BCAS3: variants seen among roughly 807,000 people sequenced by gnomAD.
BCAS3 encodes BCAS4/BCAS3 fusion.
A neutral mutation model predicts 116.1 loss-of-function variants in BCAS3; 53 were observed. The observed-to-expected ratio is 0.46, with a 90% CI of 0.37 to 0.57. BCAS3 has a LOEUF of 0.57. BCAS3 is among the 20% of genes least tolerant of loss of function. The probability of loss-of-function intolerance (pLI) is 0.00; values close to 1 mark genes in which losing one functional copy is unlikely to be tolerated. For missense variants in BCAS3, 917 were observed against 1,165.4 expected, an observed-to-expected ratio of 0.79 and a Z score of 3.10; for synonymous variants, 391 against 408.2, an observed-to-expected ratio of 0.96 and a Z score of 0.51.
At chr17:61,301,626 G>A (rs570893351) in intron 22 of BCAS3, among the ~76,000 whole-genome samples, 1 of 152,242 alleles carries the variant, frequency 6.6e-6, no homozygotes, top group South Asian at 2.1e-4. Context: ...GAGAGACTCT[G>A]TCTCAAAAAA....
chr17:60,833,917 C>T (rs963806896), intron 7 of BCAS3, among the ~76,000 whole-genome samples: 20 of 152,010 alleles, frequency 1.3e-4, no homozygotes, highest in Non-Finnish European at 1.3e-4. Context: ...TCTGTCAAAA[C>T]GTGAAACTAC....
chr17:61,030,826 T>G (rs888107206), intron 16 of BCAS3, among the ~76,000 whole-genome samples: 4 of 151,976 alleles, frequency 2.6e-5, no homozygotes, highest in African/African-American at 9.7e-5. Context: ...GCTCAAAAGT[T>G]AAGTCAAATT....
intron 22 of BCAS3, chr17:61,157,506 C>T (rs1445589976): frequency 6.6e-6 from 1 of 151,956 alleles, no homozygotes; most frequent in East Asian, 1.9e-4. Flanking sequence ...CGCTCTCCCT[C>T]TCCGGCTCTT....
intron 18 of BCAS3, 29 bp downstream of exon 18, chr17:61,038,083 A>C (rs2067185124): frequency 6.3e-7 from 1 of 1,591,410 alleles, no homozygotes; most frequent in Non-Finnish European, 8.6e-7. Context: ...TTTTCTTTTT[A>C]ACAGCTTCAT....
chr17:60,927,349 A>G (rs1448724826), intron 13 of BCAS3, among the ~76,000 whole-genome samples: 1 of 151,454 alleles, frequency 6.6e-6, no homozygotes, highest in African/African-American at 2.4e-5. Flanking sequence ...TCCGCCTCCC[A>G]GGTTCAAGCG....
At chr17:61,006,950 AT>A (rs778389771) in intron 15 of BCAS3, among the ~76,000 whole-genome samples, 9 of 152,220 alleles carry the variant, frequency 5.9e-5, no homozygotes, top group Non-Finnish European at 8.8e-5. Context: ...TGAATTAAAA[AT>A]TGCTAAACCT....
At chr17:61,192,582 A>T (rs990000541) in intron 22 of BCAS3, among the ~76,000 whole-genome samples, 1 of 152,206 alleles carries the variant, frequency 6.6e-6, no homozygotes, top group African/African-American at 2.4e-5. Flanking sequence ...GGAGTAATAT[A>T]CCAGAGTGCT....
At chr17:60,910,983 T>A (rs916876396) in intron 12 of BCAS3, among the ~76,000 whole-genome samples, 10 of 152,214 alleles carry the variant, frequency 6.6e-5, no homozygotes, top group African/African-American at 2.4e-4. Flanking sequence ...TATATAACAT[T>A]TAATACTGTT....
intron 7 of BCAS3, among the ~76,000 whole-genome samples, chr17:60,861,249 G>A (rs990130835): frequency 4.6e-5 from 7 of 151,942 alleles, no homozygotes; most frequent in East Asian, 1.9e-4. Flanking sequence ...TTCCTTTTAC[G>A]GCTATTGTGA....
At chr17:60,702,734 C>T (rs938351355) in intron 4 of BCAS3, among the ~76,000 whole-genome samples, 25 of 152,062 alleles carry the variant, frequency 1.6e-4, no homozygotes, top group South Asian at 2.1e-4. Flanking sequence ...GGACTGTAGG[C>T]GTGTGCCACA....
chr17:61,358,738 C>A (rs374987989), intron 22 of BCAS3, among the ~76,000 whole-genome samples: 2 of 152,020 alleles, frequency 1.3e-5, no homozygotes, highest in Admixed American at 6.6e-5. Flanking sequence ...TCAGGTGATC[C>A]GCCTGCCTCA....
intron 12 of BCAS3, among the ~76,000 whole-genome samples, chr17:60,914,894 T>C (rs753481881): frequency 3.9e-5 from 6 of 152,178 alleles, no homozygotes; most frequent in Non-Finnish European, 8.8e-5. Context: ...TATTAGTAGT[T>C]AAGTATTGGA....
chr17:61,172,846 G>A (rs2078927475), intron 22 of BCAS3, among the ~76,000 whole-genome samples: 1 of 151,704 alleles, frequency 6.6e-6, no homozygotes, highest in African/African-American at 2.4e-5. Context: ...AAATTAGCCG[G>A]GCGTGGCGGT....
chr17:60,936,759 G>A (rs1363455640), intron 13 of BCAS3, among the ~76,000 whole-genome samples: 3 of 151,982 alleles, frequency 2.0e-5, no homozygotes, highest in Non-Finnish European at 2.9e-5. Flanking sequence ...CTCGATATTA[G>A]CCCTTTGTCA....
intron 22 of BCAS3, among the ~76,000 whole-genome samples, chr17:61,117,596 A>C (rs2075549830): frequency 6.6e-6 from 1 of 152,216 alleles, no homozygotes; most frequent in Non-Finnish European, 1.5e-5. Context: ...CCCTGTCTCA[A>C]AAATGAATAA....
chr17:60,686,101 C>G (rs753848961), intron 3 of BCAS3, among the ~76,000 whole-genome samples: 3 of 152,038 alleles, frequency 2.0e-5, no homozygotes, highest in Non-Finnish European at 4.4e-5. Context: ...ATCTCCTGAC[C>G]TTGTGATCTG....
chr17:60,808,962 A>G (rs745849286), intron 7 of BCAS3, among the ~76,000 whole-genome samples: 1 of 152,226 alleles, frequency 6.6e-6, no homozygotes, highest in East Asian at 1.9e-4. Context: ...AGTGGAAGAG[A>G]AACTGAAATA....
Position 61,078,539 on chromosome 17 carries a change from G to A in BCAS3, c.2327+10G>A. ...ATCTCAACAGTCTCAGGTAGGAAAT[G>A]AGAATTAGGGAGTGATTTGAACAAA... On this transcript the variant is annotated intron_variant, in intron 21 of 23. Transcript: ENST00000407086. The A allele has an allele frequency of 6.3e-7, 1 of 1,596,302 alleles. No individual in the cohort carries two copies. Among genetic ancestry groups the A allele is most frequent in the East Asian group, 2.2e-5 (1 of 44,806 alleles).
intron 12 of BCAS3, among the ~76,000 whole-genome samples, chr17:60,917,792 T>C (rs1055172487): frequency 6.6e-6 from 1 of 152,098 alleles, no homozygotes; most frequent in African/African-American, 2.4e-5. Flanking sequence ...AAGGTTTCGC[T>C]ATGTTGGCTA....
Sources: allele counts gnomAD v4.1 joint callset (sites outside exome capture counted in the v4.1 genomes callset), GRCh38; gene constraint gnomAD v4.1.1; transcripts MANE v1.5; gene names NCBI Gene and HGNC (gene_info 2026-07-23, HGNC 2026-07-21).